The following CNOT2 variants were observed in gnomAD, a reference collection of about 807,000 sequenced individuals.
CNOT2 encodes CC chemokine receptor 4-negative regulator of transcription 2.
In CNOT2, 7 loss-of-function variants were observed where a neutral mutation model predicts 72.1. That is an observed-to-expected ratio of 0.10 (90% CI 0.06 to 0.18). The LOEUF is 0.18. Among genes scored for constraint, CNOT2 ranks in the 10% least tolerant of loss-of-function variants. The pLI is 1.00. For synonymous variants in CNOT2, 196 were observed against 225.6 expected (o/e 0.87, Z 1.17); for missense variants, 345 against 660.3 (o/e 0.52, Z 5.23).
chr12:70,285,800 TGA>T (rs1565768495), intron 2 of CNOT2, among the ~76,000 whole-genome samples: 1 of 152,118 alleles, frequency 6.6e-6, no homozygotes, highest in Non-Finnish European at 1.5e-5. Context: ...CTGATGGACC[TGA>T]GAGTGGAGGC....
chr12:70,281,452 C>G (rs1008303864), intron 2 of CNOT2, among the ~76,000 whole-genome samples: 12 of 152,178 alleles, frequency 7.9e-5, no homozygotes, highest in African/African-American at 2.9e-4. Context: ...CAAATTCTGG[C>G]CTCCTTACAT....
At position 70,265,273 on chromosome 12, in the gene CNOT2, TTCTTCTCTTCTCTTC is replaced by T. The variant is rs1555188161; in HGVS notation, c.-95-12819_-95-12805del. 4.8e-3 allele frequency among the ~76,000 whole-genome samples: 607 copies of T among 125,462 alleles called. 4 individuals are homozygous for T. The highest frequency in any genetic ancestry group is 0.015 in the African/African-American group (529 of 35,794). The allele number at this position is 125,462 out of a possible 152,430, so 82.3% of individuals were successfully genotyped here. A position where few individuals can be genotyped will look rare whatever the true frequency, so the allele number is the denominator to read the frequency against. On this transcript the variant is annotated intron_variant, in intron 1 of 15. Coordinates refer to ENST00000229195, the MANE Select transcript of CNOT2 (RefSeq NM_014515.7). ...TACCAAACCTGGAGTTTCGTTTTGT[TTCTTCTCTTCTCTTC>T]TCTTCTCTTCTCTTCTCTTCTCTTC...
At chr12:70,330,571 T>TG (rs1879776688) in intron 6 of CNOT2, 102 bp downstream of exon 6, 2 of 665,880 alleles carry the variant, frequency 3.0e-6, no homozygotes, top group Non-Finnish European at 5.0e-6. Context: ...TTCTCTCTAA[T>TG]AAGTGTGTTT....
chr12:70,351,743 T>C (rs1882889829), intron 15 of CNOT2, among the ~76,000 whole-genome samples: 2 of 152,172 alleles, frequency 1.3e-5, no homozygotes, highest in African/African-American at 4.8e-5. Context: ...AAAATGCCAA[T>C]TTTAATTTCA....
intron 9 of CNOT2, 198 bp from the exon 10 acceptor site, chr12:70,338,245 C>T: frequency 2.4e-6 from 1 of 419,616 alleles, no homozygotes; most frequent in Non-Finnish European, 4.2e-6. Flanking sequence ...TTTAAATACT[C>T]AAATGTGGAT....
chr12:70,243,554 A>AAT (rs1957672139), intron 1 of CNOT2, 74 bp downstream of exon 1: 1 of 152,462 alleles, frequency 6.6e-6, no homozygotes. Flanking sequence ...GGGCCCCCGC[A>AAT]AGGCGGGGGA....
At chr12:70,274,352 A>G (rs1355288628) in intron 1 of CNOT2, among the ~76,000 whole-genome samples, 5 of 152,050 alleles carry the variant, frequency 3.3e-5, no homozygotes, top group Non-Finnish European at 7.4e-5. Context: ...TGCATGTTTT[A>G]TTGAGCTCCA....
chr12:70,248,911 G>A (rs145019658), intron 1 of CNOT2, among the ~76,000 whole-genome samples: 78 of 152,112 alleles, frequency 5.1e-4, no homozygotes, highest in Non-Finnish European at 1.0e-3. Flanking sequence ...CATTTAGTAA[G>A]TTTTTACTAA....
At position 70,310,983 on chromosome 12, in the gene CNOT2, A is replaced by G; in HGVS notation, c.137A>G (p.Gln46Arg). Reference protein sequence around the residue: ...DYHDENMYYSQSSMFPHRSEK... With the variant: ...DYHDENMYYSRSSMFPHRSEK... ...CATGACGAAAACATGTACTACAGCC[A>G]GTCTTCTATGTTTCCACATCGGTCA... Residue 46 changes from glutamine (Q) to arginine (R), a missense_variant, in exon 3 of 16, where the codon CAG becomes CGG. By Grantham distance (43) the Gln-to-Arg change is conservative. Around this residue, in one of 4 missense-constraint regions of CNOT2, gnomAD observed 157 missense variants for 235.3 expected, o/e 0.67. Transcript: ENST00000229195. 1.3e-6 allele frequency: 2 copies of G among 1,599,814 alleles called. No homozygotes were observed. Among genetic ancestry groups the G allele is most frequent in the Non-Finnish European group, 1.7e-6 (2 of 1,167,484 alleles).
intron 2 of CNOT2, among the ~76,000 whole-genome samples, chr12:70,298,689 A>C (rs1013153373): frequency 6.7e-6 from 1 of 150,062 alleles, no homozygotes; most frequent in South Asian, 2.1e-4. Context: ...GAATGGGAGA[A>C]AGGGCATTTT....
chr12:70,277,000 G>T (rs1868934887), intron 1 of CNOT2, among the ~76,000 whole-genome samples: 1 of 151,606 alleles, frequency 6.6e-6, no homozygotes, highest in African/African-American at 2.4e-5. Flanking sequence ...TTGCTTTTTA[G>T]AGGTACTCCA....
chr12:70,256,766 T>C (rs540328670), intron 1 of CNOT2, among the ~76,000 whole-genome samples: 1 of 152,168 alleles, frequency 6.6e-6, no homozygotes, highest in Admixed American at 6.5e-5. Context: ...GTCTCTCGTT[T>C]TTCTCTCTGA....
At chr12:70,283,859 GA>G (rs1206914257) in intron 2 of CNOT2, among the ~76,000 whole-genome samples, 1 of 150,586 alleles carries the variant, frequency 6.6e-6, no homozygotes, top group Non-Finnish European at 1.5e-5. Context: ...TTACATTTTT[GA>G]TTGTGAAAGC....
At chr12:70,342,499 A>T in intron 13 of CNOT2, 192 bp downstream of exon 13, 6 of 613,612 alleles carry the variant, frequency 9.8e-6, no homozygotes, top group Non-Finnish European at 1.6e-5. Flanking sequence ...ACATTTAACA[A>T]CAGGTTACAA....
At chr12:70,316,454 G>A (rs1327339918) in intron 3 of CNOT2, among the ~76,000 whole-genome samples, 1 of 151,900 alleles carries the variant, frequency 6.6e-6, no homozygotes, top group Non-Finnish European at 1.5e-5. Context: ...ATGAAATATT[G>A]CCTTCAGAAT....
Position 70,271,375 on chromosome 12 carries a change from CTTTT to C in CNOT2, c.-95-6738_-95-6735del, listed in dbSNP as rs11285130. ...AATTGGCTTACACTGATCACATTTC[CTTTT>C]TTTTTTTTTTTTTTTTTTGAGACAG... On this transcript the variant is annotated intron_variant, in intron 1 of 15. Coordinates refer to ENST00000229195, the MANE Select transcript of CNOT2 (RefSeq NM_014515.7). Among the ~76,000 whole-genome samples, 294 of 89,462 alleles carry C rather than the reference CTTTT, an allele frequency of 3.3e-3. 1 individual carries two copies. Among genetic ancestry groups the C allele is most frequent in the African/African-American group, 0.012 (278 of 23,558 alleles). The allele number at this position is 89,462 out of a possible 152,430, so 58.7% of individuals were successfully genotyped here.
rs528421266 is a variant in CNOT2, at chr12:70,325,252, T to G, written c.239-4171T>G. Among the ~76,000 whole-genome samples, 4 of 151,880 alleles carry G rather than the reference T, an allele frequency of 2.6e-5. No homozygotes were observed. The South Asian group carries it at 8.3e-4, about 31-fold the overall frequency. ...AAATGCTTGTTAAGGTTAGAAAACATCTTTGGGTCTTGACAGAATTTTAAT... is the reference window on the plus strand; with the variant it reads ...AAATGCTTGTTAAGGTTAGAAAACAGCTTTGGGTCTTGACAGAATTTTAAT... On this transcript the variant is annotated intron_variant, in intron 4 of 15. Transcript: ENST00000229195.
intron 7 of CNOT2, among the ~76,000 whole-genome samples, chr12:70,334,178 A>G (rs1227744005): frequency 6.6e-6 from 1 of 152,004 alleles, no homozygotes; most frequent in African/African-American, 2.4e-5. Flanking sequence ...AAAAGTTAAT[A>G]TATATTCAAA....
intron 4 of CNOT2, among the ~76,000 whole-genome samples, chr12:70,319,887 G>A (rs1046175579): frequency 6.6e-6 from 1 of 151,662 alleles, no homozygotes; most frequent in Non-Finnish European, 1.5e-5. Flanking sequence ...TTTAATGCTT[G>A]TTCCGTTTTG....
Sources: gnomAD v4.1 joint callset for allele counts (sites outside exome capture counted in the v4.1 genomes callset) on GRCh38, gnomAD v4.1.1 for gene constraint, gnomAD v4.1.1 regional missense constraint, MANE v1.5 for transcripts, NCBI Gene and HGNC (gene_info 2026-07-23, HGNC 2026-07-21) for gene names.